The following KALRN variants were observed in gnomAD, a reference collection of about 807,000 sequenced individuals.
KALRN encodes the protein kalirin.
In KALRN, 70 loss-of-function variants were observed where a neutral mutation model predicts 353.7. The observed-to-expected ratio is 0.20, with a 90% confidence interval of 0.16 to 0.24. The LOEUF (loss-of-function observed/expected upper bound fraction) is 0.24, where lower values mean the gene tolerates loss of function less well. Among genes scored for constraint, KALRN ranks in the 10% least tolerant of loss-of-function variants. The pLI, the probability that KALRN is intolerant of heterozygous loss-of-function variation, is 1.00. For missense variants in KALRN, 2,791 were observed against 3,756.7 expected, an observed-to-expected ratio of 0.74 and a Z score of 6.72; for synonymous variants, 1,391 against 1,434.8, an observed-to-expected ratio of 0.97 and a Z score of 0.69.
chr3:124,140,367 T>C (rs1476049450), intron 1 of KALRN, among the ~76,000 whole-genome samples: 1 of 152,234 alleles, frequency 6.6e-6, no homozygotes, highest in African/African-American at 2.4e-5. Flanking sequence ...GAATTTCAAC[T>C]GCCACTGACA....
At chr3:124,377,266 C>G (rs1189410608) in intron 10 of KALRN, among the ~76,000 whole-genome samples, 1 of 152,150 alleles carries the variant, frequency 6.6e-6, no homozygotes, top group Non-Finnish European at 1.5e-5. Context: ...GCATAGCATA[C>G]TATGGACACC....
chr3:124,169,972 G>T (rs912956366), intron 1 of KALRN, among the ~76,000 whole-genome samples: 1 of 152,204 alleles, frequency 6.6e-6, no homozygotes, highest in African/African-American at 2.4e-5. Flanking sequence ...CCCATTGTTG[G>T]ATATGAGAAT....
chr3:124,295,110 C>G (rs1329282806), intron 5 of KALRN, among the ~76,000 whole-genome samples: 1 of 152,268 alleles, frequency 6.6e-6, no homozygotes, highest in Non-Finnish European at 1.5e-5. Flanking sequence ...ACCTTGCAGA[C>G]AGCCAGCCTT....
intron 33 of KALRN, among the ~76,000 whole-genome samples, chr3:124,520,490 C>T (rs1291578014): frequency 1.3e-5 from 2 of 152,060 alleles, no homozygotes; most frequent in African/African-American, 4.8e-5. Flanking sequence ...GTCCCCAACC[C>T]CTGGGCTGCA....
In KALRN at chr3:124,033,392, G is replaced by A. The variant is rs978591680; in HGVS notation, c.-349G>A. On this transcript the variant is annotated 5_prime_UTR_variant, in exon 1 of 60. Coordinates refer to ENST00000682506, the MANE Select transcript of KALRN (RefSeq NM_001388419.1). The surrounding 1 kb of genome is among the most constrained non-coding windows in gnomAD (Gnocchi z 6.2). ...ACAATAGAGACAGGCAGACGGGCGA[G>A]CAGGAGAGCCAGCTGCCGCTGCTGG... Among the ~76,000 whole-genome samples, 4 of 151,924 alleles carry A rather than the reference G, an allele frequency of 2.6e-5. No homozygotes were observed. The highest frequency in any genetic ancestry group is 4.4e-5 in the Non-Finnish European group (3 of 67,932).
chr3:124,330,331 C>T (rs2080418200), intron 8 of KALRN, among the ~76,000 whole-genome samples: 1 of 151,742 alleles, frequency 6.6e-6, no homozygotes, highest in South Asian at 2.1e-4. Context: ...TGGACTTTCT[C>T]CTCTTGGGGG....
intron 1 of KALRN, among the ~76,000 whole-genome samples, chr3:124,184,952 G>A (rs1327107185): frequency 6.6e-6 from 1 of 152,180 alleles, no homozygotes; most frequent in African/African-American, 2.4e-5. Flanking sequence ...TGATGAATAG[G>A]AGGAGCCAGT....
At chr3:124,608,672 A>G (rs1335154401) in intron 34 of KALRN, among the ~76,000 whole-genome samples, 1 of 152,186 alleles carries the variant, frequency 6.6e-6, no homozygotes, top group Non-Finnish European at 1.5e-5. Flanking sequence ...AGGATTTGCA[A>G]TGGTGGCCCT....
At chr3:124,093,886 A>G (rs1406703129) in intron 1 of KALRN, among the ~76,000 whole-genome samples, 1 of 152,096 alleles carries the variant, frequency 6.6e-6, no homozygotes, top group Non-Finnish European at 1.5e-5. Context: ...GAGTGGGGAG[A>G]GCATCCTATT....
chr3:124,405,047 C>T (rs1468539748), intron 13 of KALRN, among the ~76,000 whole-genome samples: 2 of 151,972 alleles, frequency 1.3e-5, no homozygotes, highest in African/African-American at 4.8e-5. Context: ...TTCTAAGTAC[C>T]CCCAGAACCT....
At chr3:124,611,130 T>C (rs1361523236) in intron 34 of KALRN, among the ~76,000 whole-genome samples, 1 of 152,148 alleles carries the variant, frequency 6.6e-6, no homozygotes, top group African/African-American at 2.4e-5. Context: ...GTGTTGTAGT[T>C]CTCAATAGGG....
At chr3:124,267,287 G>A (rs541682796) in intron 4 of KALRN, among the ~76,000 whole-genome samples, 2 of 152,162 alleles carry the variant, frequency 1.3e-5, no homozygotes, top group East Asian at 3.8e-4. Context: ...TTGGAATAGG[G>A]TTTCTCAAGT....
At chr3:124,143,450 C>T (rs571733823) in intron 1 of KALRN, among the ~76,000 whole-genome samples, 36 of 152,232 alleles carry the variant, frequency 2.4e-4, no homozygotes, top group African/African-American at 8.7e-4. Context: ...GGAAGATGGA[C>T]GTCTGTGAGC....
chr3:124,359,000 G>A (rs868820446), intron 10 of KALRN, among the ~76,000 whole-genome samples: 1 of 152,164 alleles, frequency 6.6e-6, no homozygotes, highest in South Asian at 2.1e-4. Context: ...CTTTCCATGT[G>A]TGGATCTGGG....
chr3:124,539,790 C>T (rs2068837738), intron 33 of KALRN, among the ~76,000 whole-genome samples: 1 of 152,008 alleles, frequency 6.6e-6, no homozygotes, highest in African/African-American at 2.4e-5. Flanking sequence ...AGATAGGTCT[C>T]ATTCTATTGC....
intron 6 of KALRN, among the ~76,000 whole-genome samples, chr3:124,321,009 TTTG>T (rs1406738630): frequency 6.6e-6 from 1 of 152,352 alleles, no homozygotes; most frequent in East Asian, 1.9e-4. Flanking sequence ...GATTTTTCTT[TTTG>T]TTGTACTTTT....
chr3:124,147,105 A>G (rs2067467671), intron 1 of KALRN, among the ~76,000 whole-genome samples: 1 of 152,134 alleles, frequency 6.6e-6, no homozygotes, highest in African/African-American at 2.4e-5. Context: ...GAGGCTTGAA[A>G]AGAGCAAGTA....
chr3:124,357,112 G>T (rs141834570), intron 10 of KALRN, among the ~76,000 whole-genome samples: 4 of 152,302 alleles, frequency 2.6e-5, no homozygotes, highest in East Asian at 1.9e-4. Flanking sequence ...AGAAACTTGG[G>T]AGTCATTCTT....
rs143158140 is a variant in KALRN, at chr3:124,710,210, A to G, written c.8076-2725A>G. Among the ~76,000 whole-genome samples, 646 of 152,388 alleles carry G rather than the reference A, an allele frequency of 4.2e-3. 1 individual carries two copies. Among genetic ancestry groups the G allele is most frequent in the African/African-American group, 0.015 (613 of 41,594 alleles). ...TCTATCACAAAAAGGAAAAGTATTC[A>G]TAGTTTACTAGAGGCTCAACTGTGA... On this transcript the variant is annotated intron_variant, in intron 57 of 59. Transcript: ENST00000682506.
Sources: gnomAD v4.1 joint callset for allele counts (sites outside exome capture counted in the v4.1 genomes callset) on GRCh38, gnomAD v4.1.1 for gene constraint, Gnocchi (gnomAD v3.1) non-coding constraint, MANE v1.5 for transcripts, NCBI Gene and HGNC (gene_info 2026-07-23, HGNC 2026-07-21) for gene names.